STAG1: variants seen among roughly 807,000 people sequenced by gnomAD.
The protein encoded by STAG1 is STAG1 cohesin complex component, also known as cohesin subunit SA-1.
A neutral mutation model predicts 170.9 loss-of-function variants in STAG1; 26 were observed. The ratio of observed to expected loss-of-function variants is 0.15; its 90% CI spans 0.11 to 0.21. The LOEUF (loss-of-function observed/expected upper bound fraction) is 0.21, where lower values mean the gene tolerates loss of function less well. STAG1 is among the 10% of genes least tolerant of loss of function. STAG1 has a pLI of 1.00. For missense variants in STAG1, 964 were observed against 1,509.5 expected, an observed-to-expected ratio of 0.64 and a Z score of 5.99; for synonymous variants, 514 against 497.7, an observed-to-expected ratio of 1.03 and a Z score of -0.44.
At chr3:136,659,172 T>A (rs1941492447) in intron 1 of STAG1, among the ~76,000 whole-genome samples, 1 of 152,210 alleles carries the variant, frequency 6.6e-6, no homozygotes, top group Non-Finnish European at 1.5e-5. Flanking sequence ...AGTGTTTCTT[T>A]AAACAACAGT....
intron 1 of STAG1, among the ~76,000 whole-genome samples, chr3:136,664,345 C>G (rs571416538): frequency 6.6e-6 from 1 of 152,174 alleles, no homozygotes; most frequent in South Asian, 2.1e-4. Flanking sequence ...AGCTACTGCT[C>G]TAAACAAAAT....
chr3:136,600,246 T>C (rs747987831), intron 4 of STAG1, among the ~76,000 whole-genome samples: 6 of 152,214 alleles, frequency 3.9e-5, no homozygotes, highest in Non-Finnish European at 7.3e-5. Context: ...AGATACACGA[T>C]TACCCTAAAC....
chr3:136,394,919 C>T (rs1418500211), intron 22 of STAG1, among the ~76,000 whole-genome samples: 2 of 145,072 alleles, frequency 1.4e-5, no homozygotes, highest in African/African-American at 5.2e-5. Context: ...TGCCACTGCA[C>T]TCTAGCGAGA....
At chr3:136,564,418 C>T (rs1340255436) in intron 5 of STAG1, among the ~76,000 whole-genome samples, 1 of 152,192 alleles carries the variant, frequency 6.6e-6, no homozygotes, top group African/African-American at 2.4e-5. Flanking sequence ...TGATTTTAAA[C>T]TTGTGCCAAT....
chr3:136,454,313 C>T (rs1252706407), intron 13 of STAG1, among the ~76,000 whole-genome samples: 2 of 151,936 alleles, frequency 1.3e-5, no homozygotes, highest in Admixed American at 1.3e-4. Flanking sequence ...CTCCTGACCT[C>T]AAGTAATCCG....
chr3:136,605,914 T>C (rs897987756), intron 3 of STAG1, among the ~76,000 whole-genome samples: 1 of 152,244 alleles, frequency 6.6e-6, no homozygotes, highest in Non-Finnish European at 1.5e-5. Flanking sequence ...TTGCTTTTAC[T>C]GTGTTTCTGA....
At chr3:136,489,681 A>T (rs895088973) in intron 9 of STAG1, among the ~76,000 whole-genome samples, 3 of 152,242 alleles carry the variant, frequency 2.0e-5, no homozygotes, top group Admixed American at 6.5e-5. Flanking sequence ...TAGAATAATT[A>T]TAGAGAATTT....
intron 4 of STAG1, among the ~76,000 whole-genome samples, chr3:136,578,826 T>C (rs1023088654): frequency 3.3e-5 from 5 of 152,174 alleles, no homozygotes; most frequent in African/African-American, 1.2e-4. Context: ...ATTTCCCCAC[T>C]TCCAGAATGT....
intron 1 of STAG1, among the ~76,000 whole-genome samples, chr3:136,679,372 G>A (rs1196812002): frequency 6.6e-6 from 1 of 151,970 alleles, no homozygotes; most frequent in Non-Finnish European, 1.5e-5. Context: ...TTGAGGTCAG[G>A]AGTTCGAGAC....
At chr3:136,623,365 T>C in intron 2 of STAG1, 117 bp from the exon 3 acceptor site, 1 of 766,280 alleles carries the variant, frequency 1.3e-6, no homozygotes. Flanking sequence ...ACTTCTACTT[T>C]CAGAGAAACT....
At chr3:136,559,860 C>T (rs554121663) in intron 5 of STAG1, among the ~76,000 whole-genome samples, 10 of 152,228 alleles carry the variant, frequency 6.6e-5, no homozygotes, top group African/African-American at 2.2e-4. Context: ...CTATACAATG[C>T]CCAACACATC....
intron 23 of STAG1, among the ~76,000 whole-genome samples, chr3:136,369,796 C>T (rs1024163694): frequency 2.0e-5 from 3 of 152,010 alleles, no homozygotes; most frequent in South Asian, 2.1e-4. Flanking sequence ...GTGATGTTTC[C>T]GTCAATAATG....
At chr3:136,589,760 G>A (rs1385798705) in intron 4 of STAG1, among the ~76,000 whole-genome samples, 3 of 151,556 alleles carry the variant, frequency 2.0e-5, no homozygotes, top group East Asian at 3.9e-4. Context: ...GTGAAACGCT[G>A]TCTCTACTAA....
intron 21 of STAG1, 52 bp from the exon 22 acceptor site, chr3:136,398,881 T>C: frequency 8.7e-7 from 1 of 1,147,424 alleles, no homozygotes; most frequent in South Asian, 1.7e-5. Context: ...AAAAATGAGA[T>C]CATCTGTTTG....
chr3:136,615,424 C>CAAAAAA (rs35713077), intron 3 of STAG1, among the ~76,000 whole-genome samples: 2 of 33,260 alleles, frequency 6.0e-5, no homozygotes, highest in African/African-American at 1.1e-4. Flanking sequence ...AGACTTTGTC[C>CAAAAAA]AAAAAAAAAA....
chr3:136,720,053 G>A (rs1384760690), intron 1 of STAG1, among the ~76,000 whole-genome samples: 1 of 151,776 alleles, frequency 6.6e-6, no homozygotes, highest in African/African-American at 2.4e-5. Context: ...GTGCATACTT[G>A]TAATCCCAGC....
At chr3:136,349,458 G>GCAGA in intron 28 of STAG1, 95 bp from the exon 29 acceptor site, 1 of 876,704 alleles carries the variant, frequency 1.1e-6, no homozygotes, top group Non-Finnish European at 1.8e-6. Context: ...TGCAGGTTCT[G>GCAGA]AAGAATACCT....
chr3:136,610,493 T>C (rs1939218411), intron 3 of STAG1, among the ~76,000 whole-genome samples: 1 of 152,206 alleles, frequency 6.6e-6, no homozygotes, highest in East Asian at 1.9e-4. Context: ...AATATTTGAG[T>C]ATGTTGTGTA....
In STAG1 at chr3:136,623,337, T is replaced by C; in HGVS notation, c.30-89A>G. The C allele has an allele frequency of 6.2e-6, 7 of 1,138,098 alleles. No homozygotes were observed. The South Asian group carries it at 9.9e-5, about 16-fold the overall frequency. The allele number at this position is 1,138,098 out of a possible 1,614,324, so 70.5% of individuals were successfully genotyped here. A position where few individuals can be genotyped will look rare whatever the true frequency, so the allele number is the denominator to read the frequency against. On this transcript the variant is annotated intron_variant, in intron 2 of 33. Coordinates refer to ENST00000383202, the MANE Select transcript of STAG1 (RefSeq NM_005862.3). Reference sequence around the variant, plus strand: ...CTTTCCTTACCACCTGCTATATGGCTGATTAGAAGTGGTTTATACTTCTAC... The same window carrying C: ...CTTTCCTTACCACCTGCTATATGGCCGATTAGAAGTGGTTTATACTTCTAC...
Sources: gnomAD v4.1 joint callset for allele counts (sites outside exome capture counted in the v4.1 genomes callset) on GRCh38, gnomAD v4.1.1 for gene constraint, MANE v1.5 for transcripts, NCBI Gene and HGNC (gene_info 2026-07-23, HGNC 2026-07-21) for gene names.